The following LRRC8D variants were observed in gnomAD, a reference collection of about 807,000 sequenced individuals.
LRRC8D encodes volume-regulated anion channel subunit LRRC8D.
A neutral mutation model predicts 55.8 loss-of-function variants in LRRC8D; 20 were observed. The observed-to-expected ratio is 0.36, with a 90% confidence interval of 0.25 to 0.52. LRRC8D has a LOEUF of 0.52. Among genes scored for constraint, LRRC8D ranks in the 20% least tolerant of loss-of-function variants. LRRC8D has a pLI of 0.93. For missense variants in LRRC8D, 651 were observed against 1,030.8 expected (o/e 0.63, Z 5.05); for synonymous variants, 352 against 377.0 (o/e 0.93, Z 0.77).
chr1:89,912,116 G>C (rs1663147323), intron 2 of LRRC8D, among the ~76,000 whole-genome samples: 1 of 151,920 alleles, frequency 6.6e-6, no homozygotes, highest in Admixed American at 6.6e-5. Flanking sequence ...AATTTATTAT[G>C]CCACTACCAG....
In LRRC8D at chr1:89,911,700, C is replaced by T. The variant is rs1361857607; in HGVS notation, c.-2-21367C>T. ...TCCCACATACCCTTGCACACGTGAG[C>T]CAGACTTTTTCACCGAAAGTGCTCA... On this transcript the variant is annotated intron_variant, in intron 2 of 2. Coordinates refer to ENST00000337338, the MANE Select transcript of LRRC8D (RefSeq NM_001134479.2). The surrounding 1 kb of genome is among the most constrained non-coding windows in gnomAD (Gnocchi z 4.0). Among the ~76,000 whole-genome samples, 1 of 152,076 alleles carries T rather than the reference C, an allele frequency of 6.6e-6. No homozygotes were observed. Among genetic ancestry groups the T allele is most frequent in the Non-Finnish European group, 1.5e-5 (1 of 68,032 alleles).
chr1:89,883,425 G>A (rs1041952019), intron 2 of LRRC8D, among the ~76,000 whole-genome samples: 1 of 152,132 alleles, frequency 6.6e-6, no homozygotes, highest in Non-Finnish European at 1.5e-5. Context: ...CATGACCAGA[G>A]GGTAAAGGGA....
At chr1:89,873,726 C>T (rs1662079805) in intron 2 of LRRC8D, among the ~76,000 whole-genome samples, 1 of 152,184 alleles carries the variant, frequency 6.6e-6, no homozygotes, top group African/African-American at 2.4e-5. Context: ...ATAATCCTGT[C>T]TGTTAAGTTG....
At chr1:89,931,499 A>G (rs977191014) in intron 2 of LRRC8D, among the ~76,000 whole-genome samples, 8 of 152,080 alleles carry the variant, frequency 5.3e-5, no homozygotes, top group African/African-American at 1.7e-4. Context: ...GGTGGCTCAC[A>G]CCTGTAATCC....
At chr1:89,869,483 T>C (rs1322591240) in intron 2 of LRRC8D, among the ~76,000 whole-genome samples, 1 of 152,190 alleles carries the variant, frequency 6.6e-6, no homozygotes, top group Non-Finnish European at 1.5e-5. Context: ...CTATGTTTGA[T>C]TGGTGTACAT....
intron 2 of LRRC8D, among the ~76,000 whole-genome samples, chr1:89,901,163 A>G (rs936793385): frequency 6.6e-6 from 1 of 152,170 alleles, no homozygotes; most frequent in African/African-American, 2.4e-5. Context: ...AACAGGCAGC[A>G]TTGGGGCAGG....
chr1:89,848,445 G>C (rs1481168172), intron 2 of LRRC8D, among the ~76,000 whole-genome samples: 1 of 152,096 alleles, frequency 6.6e-6, no homozygotes, highest in East Asian at 1.9e-4. Context: ...TGATGTGTGG[G>C]TTCATATTGA....
intron 2 of LRRC8D, among the ~76,000 whole-genome samples, chr1:89,888,245 A>G (rs1453875533): frequency 6.6e-6 from 1 of 152,218 alleles, no homozygotes; most frequent in Non-Finnish European, 1.5e-5. Flanking sequence ...TATTCGATAA[A>G]GTTGTTTCCC....
intron 2 of LRRC8D, among the ~76,000 whole-genome samples, chr1:89,860,608 A>T (rs1384272808): frequency 6.6e-6 from 1 of 150,708 alleles, no homozygotes; most frequent in African/African-American, 2.5e-5. Context: ...AAATAAAAAA[A>T]TTAGCTGAGC....
At chr1:89,832,146 T>C (rs1324278831) in intron 1 of LRRC8D, among the ~76,000 whole-genome samples, 1 of 152,232 alleles carries the variant, frequency 6.6e-6, no homozygotes, top group Non-Finnish European at 1.5e-5. Context: ...ACCCCAATAG[T>C]GCTCCTGTCT....
At chr1:89,907,908 T>G (rs1372428205) in intron 2 of LRRC8D, among the ~76,000 whole-genome samples, 1 of 152,224 alleles carries the variant, frequency 6.6e-6, no homozygotes, top group African/African-American at 2.4e-5. Flanking sequence ...TCATGTTGCC[T>G]GGAGAGGTTA....
At chr1:89,860,054 CT>C (rs1661662175) in intron 2 of LRRC8D, among the ~76,000 whole-genome samples, 1 of 152,200 alleles carries the variant, frequency 6.6e-6, no homozygotes, top group South Asian at 2.1e-4. Context: ...ATTATTTCCA[CT>C]TTATGGATGG....
At chr1:89,902,107 C>T (rs1287762393) in intron 2 of LRRC8D, among the ~76,000 whole-genome samples, 2 of 152,276 alleles carry the variant, frequency 1.3e-5, no homozygotes, top group Non-Finnish European at 2.9e-5. Flanking sequence ...GAGACACACT[C>T]TTCCTCCTCC....
At chr1:89,828,099 G>C (rs1660805876) in intron 1 of LRRC8D, among the ~76,000 whole-genome samples, 1 of 152,208 alleles carries the variant, frequency 6.6e-6, no homozygotes, top group African/African-American at 2.4e-5. Flanking sequence ...GTGCACGAAG[G>C]CTGGGTACTG....
intron 2 of LRRC8D, among the ~76,000 whole-genome samples, chr1:89,932,774 C>A (rs1663745325): frequency 6.6e-6 from 1 of 152,232 alleles, no homozygotes; most frequent in Non-Finnish European, 1.5e-5. Flanking sequence ...CAAATGCCAT[C>A]CTGCTGTCAT....
chr1:89,924,019 G>T (rs1044404998), intron 2 of LRRC8D, among the ~76,000 whole-genome samples: 4 of 152,160 alleles, frequency 2.6e-5, no homozygotes. Context: ...GTTGGCCTTG[G>T]CAAAGAATTT....
At chr1:89,843,300 C>T (rs551656605) in intron 1 of LRRC8D, 105 of 193,728 alleles carry the variant, frequency 5.4e-4, no homozygotes, top group African/African-American at 2.3e-3. Context: ...TGGGCACCGG[C>T]GGAGGAAGCG....
At chr1:89,857,702 T>A (rs1312509102) in intron 2 of LRRC8D, among the ~76,000 whole-genome samples, 1 of 152,142 alleles carries the variant, frequency 6.6e-6, no homozygotes, top group Non-Finnish European at 1.5e-5. Context: ...ATTGGAAAGG[T>A]TGTCAGCCCC....
intron 2 of LRRC8D, among the ~76,000 whole-genome samples, chr1:89,901,216 TTGTC>T (rs1393974505): frequency 1.3e-5 from 2 of 152,164 alleles, no homozygotes; most frequent in African/African-American, 4.8e-5. Flanking sequence ...TCTCACCTGT[TTGTC>T]TGAGCTCTGA....
Sources: allele counts gnomAD v4.1 joint callset (sites outside exome capture counted in the v4.1 genomes callset), GRCh38; gene constraint gnomAD v4.1.1; non-coding constraint Gnocchi (gnomAD v3.1); transcripts MANE v1.5; gene names NCBI Gene and HGNC (gene_info 2026-07-23, HGNC 2026-07-21).